HIP1: variants seen among roughly 807,000 people sequenced by gnomAD.
The protein encoded by HIP1 is huntingtin-interacting protein 1.
In HIP1, 65 loss-of-function variants were observed where a neutral mutation model predicts 147.6. The ratio of observed to expected loss-of-function variants is 0.44; its 90% CI spans 0.36 to 0.54. The LOEUF (loss-of-function observed/expected upper bound fraction) is 0.54, where lower values mean the gene tolerates loss of function less well. Among genes scored for constraint, HIP1 ranks in the 20% least tolerant of loss-of-function variants. The probability of loss-of-function intolerance (pLI) is 0.00; values close to 1 mark genes in which losing one functional copy is unlikely to be tolerated. For missense variants in HIP1, 1,061 were observed against 1,299.6 expected (o/e 0.82, Z 2.82); for synonymous variants, 479 against 504.0 (o/e 0.95, Z 0.67).
intron 1 of HIP1, among the ~76,000 whole-genome samples, chr7:75,647,419 C>CA (rs1420878333): frequency 6.6e-6 from 1 of 151,642 alleles, no homozygotes; most frequent in Admixed American, 6.6e-5. Context: ...CGAAACAAAA[C>CA]AAAAAACTGT....
chr7:75,621,453 GC>G (rs1321421621), intron 1 of HIP1, among the ~76,000 whole-genome samples: 1 of 152,162 alleles, frequency 6.6e-6, no homozygotes, highest in East Asian at 1.9e-4. Flanking sequence ...ACGGGGTCTT[GC>G]CATGTTGCCC....
intron 1 of HIP1, among the ~76,000 whole-genome samples, chr7:75,602,985 C>T (rs1422249557): frequency 6.6e-6 from 1 of 151,862 alleles, no homozygotes; most frequent in African/African-American, 2.4e-5. Context: ...TGAAATGAGA[C>T]AGAGATGAGT....
At chr7:75,669,035 C>G (rs62475513) in intron 1 of HIP1, among the ~76,000 whole-genome samples, 19,317 of 149,684 alleles carry the variant, frequency 0.13, 1,320 homozygotes, top group East Asian at 0.17. Context: ...CTGGCCAACA[C>G]GGCGAAACCT....
chr7:75,560,534 G>A (rs1795190744), intron 13 of HIP1, among the ~76,000 whole-genome samples: 1 of 152,156 alleles, frequency 6.6e-6, no homozygotes, highest in African/African-American at 2.4e-5. Flanking sequence ...TTACAGGCGT[G>A]AGCCACTGTG....
chr7:75,547,860 A>T, intron 23 of HIP1, 47 bp from the exon 24 acceptor site: 1 of 1,515,044 alleles, frequency 6.6e-7, no homozygotes, highest in Non-Finnish European at 9.2e-7. Flanking sequence ...AATATTAAGG[A>T]TCCACTAATG....
At chr7:75,658,196 C>A (rs897427282) in intron 1 of HIP1, among the ~76,000 whole-genome samples, 2 of 152,142 alleles carry the variant, frequency 1.3e-5, no homozygotes, top group East Asian at 1.9e-4. Flanking sequence ...CGACTTCAAG[C>A]GATTCTCCTG....
intron 1 of HIP1, chr7:75,611,645 G>T: frequency 3.9e-6 from 4 of 1,019,470 alleles, no homozygotes; most frequent in Non-Finnish European, 3.5e-6. Context: ...AGGGCGGGCA[G>T]TGCGGGGCTG....
rs1167801 is a variant in HIP1, at chr7:75,547,002, T to C, written c.2496A>G (p.Gln832=). ...RILGCCTSLM[Q]AIQVLIVASK... is the part of the protein sequence containing the mutation. ...AGGCCACGATGAGCACCTGAATAGC[T>C]TGCATGAGGCTGGTACAGCAACCAA... Residue 832 remains glutamine (Q), a synonymous_variant, in exon 25 of 31, where the codon CAA becomes CAG. Coordinates refer to ENST00000336926, the MANE Select transcript of HIP1 (RefSeq NM_005338.7). The C allele has an allele frequency of 0.15, 242,705 of 1,585,862 alleles. 20,240 individuals are homozygous for C. Among genetic ancestry groups the C allele is most frequent in the Non-Finnish European group, 0.17 (198,418 of 1,164,592 alleles).
intron 1 of HIP1, among the ~76,000 whole-genome samples, chr7:75,688,264 TG>T (rs1800331292): frequency 1.3e-5 from 2 of 151,902 alleles, no homozygotes; most frequent in African/African-American, 4.8e-5. Context: ...GTTCCTCCCC[TG>T]GGGCAGGGCA....
At chr7:75,616,007 A>G in intron 1 of HIP1, among the ~76,000 whole-genome samples, 1 of 133,846 alleles carries the variant, frequency 7.5e-6, no homozygotes, top group African/African-American at 2.9e-5. Context: ...AATCGCTTGA[A>G]CCTGGGATGT....
chr7:75,607,443 G>T (rs1437350263), intron 1 of HIP1, among the ~76,000 whole-genome samples: 1 of 150,178 alleles, frequency 6.7e-6, no homozygotes, highest in Non-Finnish European at 1.5e-5. Flanking sequence ...TGGTCAGGCT[G>T]GTCTTGAATT....
At chr7:75,720,172 G>T (rs185341762) in intron 1 of HIP1, among the ~76,000 whole-genome samples, 5 of 151,822 alleles carry the variant, frequency 3.3e-5, no homozygotes, top group Middle Eastern at 3.4e-3. Context: ...TTGTTTGTTT[G>T]TTTTTTGAAA....
At chr7:75,660,216 TAAAAAA>T (rs66778859) in intron 1 of HIP1, among the ~76,000 whole-genome samples, 1,466 of 138,948 alleles carry the variant, frequency 0.011, 26 homozygotes, top group African/African-American at 0.036. Flanking sequence ...CGATACGTGG[TAAAAAA>T]AAAAAAAAAA....
chr7:75,644,946 A>G (rs546596073), intron 1 of HIP1, among the ~76,000 whole-genome samples: 7 of 152,194 alleles, frequency 4.6e-5, no homozygotes, highest in Non-Finnish European at 8.8e-5. Context: ...CTTTGACTCA[A>G]ATGAGAAAAG....
At chr7:75,642,756 C>G (rs542996002) in intron 1 of HIP1, among the ~76,000 whole-genome samples, 1 of 152,302 alleles carries the variant, frequency 6.6e-6, no homozygotes, top group South Asian at 2.1e-4. Context: ...CCTTCCCTGA[C>G]CCATCGGACA....
chr7:75,702,522 G>A (rs1260451529), intron 1 of HIP1, among the ~76,000 whole-genome samples: 1 of 152,242 alleles, frequency 6.6e-6, no homozygotes, highest in Non-Finnish European at 1.5e-5. Context: ...GGGATTACAG[G>A]CATGAGCCAC....
At chr7:75,647,461 TC>T (rs1258889048) in intron 1 of HIP1, among the ~76,000 whole-genome samples, 4 of 152,148 alleles carry the variant, frequency 2.6e-5, no homozygotes, top group Non-Finnish European at 4.4e-5. Context: ...CTCAGTTTTA[TC>T]CTCTGTGAAT....
At chr7:75,629,724 TA>T (rs1347294493) in intron 1 of HIP1, among the ~76,000 whole-genome samples, 2 of 152,098 alleles carry the variant, frequency 1.3e-5, no homozygotes, top group African/African-American at 4.8e-5. Context: ...GTATTTTTAG[TA>T]GAGACGGGTT....
Position 75,545,182 on chromosome 7 carries a change from C to A in HIP1, c.2566G>T (p.Ala856Ser), listed in dbSNP as rs782384664. 1 of 1,593,664 alleles carries A rather than the reference C, an allele frequency of 6.3e-7. No homozygotes were observed. Among genetic ancestry groups the A allele is most frequent in the East Asian group, 2.2e-5 (1 of 44,788 alleles). Residue 856 changes from alanine (A) to serine (S), a missense_variant, in exon 26 of 31, where the codon GCA (alanine) becomes TCA (serine). This residue lies in a region of HIP1 where 810 missense variants were observed against 946.8 expected (regional missense o/e 0.86). Coordinates refer to ENST00000336926, the MANE Select transcript of HIP1 (RefSeq NM_005338.7). ...REIVESGRGT[A>S]SPKEFYAKNS... The stretch of plus-strand genomic sequence containing the variant: ...TTGGCATAAAACTCTTTAGGGGATG[C>A]TGTACCCTAGGGAAATAAAAAATAG...
Sources: allele counts gnomAD v4.1 joint callset (sites outside exome capture counted in the v4.1 genomes callset), GRCh38; gene constraint gnomAD v4.1.1; regional missense constraint gnomAD v4.1.1; transcripts MANE v1.5; gene names NCBI Gene and HGNC (gene_info 2026-07-23, HGNC 2026-07-21).